The following PRKD1 variants were observed in gnomAD, a reference collection of about 807,000 sequenced individuals.
The protein encoded by PRKD1 is protein kinase D1, also known as serine/threonine-protein kinase D1.
A neutral mutation model predicts 95.9 loss-of-function variants in PRKD1; 63 were observed. That is an observed-to-expected ratio of 0.66 (90% CI 0.54 to 0.81). PRKD1 has a LOEUF of 0.81. Among genes scored for constraint, PRKD1 ranks in the 30% least tolerant of loss-of-function variants. PRKD1 has a pLI of 0.00. For synonymous variants in PRKD1, 425 were observed against 423.1 expected (o/e 1.00, Z -0.05); for missense variants, 1,048 against 1,165.3 (o/e 0.90, Z 1.47).
rs1893356449 is a variant in PRKD1, at chr14:29,597,625, C to T, written c.2300G>A (p.Trp767Ter). The change falls in exon 16 of 18, where the codon TGG (tryptophan) becomes TAG (stop). Residue 767 changes from tryptophan (W) to a stop codon, truncating the protein, a stop_gained. Transcript: ENST00000331968. LOFTEE classifies it high-confidence loss of function. ...NKGYNRSLDM[W>*]SVGVIIYVSL... is the part of the protein sequence containing the mutation. ...TACATAGATGATGACCCCAACAGAC[C>T]ACATGTCTAGAGAGCGATTGTAGCC... 1 of 1,613,842 alleles carries T rather than the reference C, an allele frequency of 6.2e-7. No homozygotes were observed. Among genetic ancestry groups the T allele is most frequent in the South Asian group, 1.1e-5 (1 of 91,080 alleles).
chr14:29,920,113 G>C (rs1326634599), intron 1 of PRKD1, among the ~76,000 whole-genome samples: 1 of 150,492 alleles, frequency 6.6e-6, no homozygotes, highest in Non-Finnish European at 1.5e-5. Context: ...AGGAAGAAAG[G>C]GGAGAAAGAA....
chr14:29,728,417 TA>T (rs1304082576), intron 1 of PRKD1, among the ~76,000 whole-genome samples: 1 of 152,204 alleles, frequency 6.6e-6, no homozygotes, highest in Non-Finnish European at 1.5e-5. Context: ...CCAAAAGTTT[TA>T]TTGCAATCTA....
chr14:29,833,072 T>C (rs904911571), intron 1 of PRKD1, among the ~76,000 whole-genome samples: 1 of 152,102 alleles, frequency 6.6e-6, no homozygotes, highest in Non-Finnish European at 1.5e-5. Context: ...AAAGCAATTA[T>C]AAGAACAAGA....
intron 2 of PRKD1, among the ~76,000 whole-genome samples, chr14:29,697,897 A>T (rs1884619873): frequency 6.6e-6 from 1 of 152,198 alleles, no homozygotes; most frequent in Non-Finnish European, 1.5e-5. Context: ...AGAGCACCTG[A>T]GAATAAATGC....
intron 12 of PRKD1, 90 bp downstream of exon 12, chr14:29,626,389 GTCTTC>G (rs1360088532): frequency 3.1e-6 from 3 of 976,486 alleles, no homozygotes; most frequent in Non-Finnish European, 4.6e-6. Flanking sequence ...ATACACATAG[GTCTTC>G]TCTTCTATGT....
At position 29,741,636 on chromosome 14, in the gene PRKD1, T is replaced by C. The variant is rs550807768; in HGVS notation, c.265-15962A>G. ...AGGAACGACACAGACACATACATCATGCACACTCAGTGGTCTGCAATTTCT... is the reference window on the plus strand; with the variant it reads ...AGGAACGACACAGACACATACATCACGCACACTCAGTGGTCTGCAATTTCT... On this transcript the variant is annotated intron_variant, in intron 1 of 17. Coordinates refer to ENST00000331968, the MANE Select transcript of PRKD1 (RefSeq NM_002742.3). Among the ~76,000 whole-genome samples the C allele has an allele frequency of 3.3e-5, 5 of 152,210 alleles. No homozygotes were observed. In the South Asian group the frequency reaches 8.3e-4, roughly 25 times the overall value.
intron 1 of PRKD1, among the ~76,000 whole-genome samples, chr14:29,921,961 C>T (rs928453589): frequency 6.6e-6 from 1 of 152,194 alleles, no homozygotes; most frequent in Non-Finnish European, 1.5e-5. Flanking sequence ...CACAGTCTCA[C>T]AGGATATTCT....
At chr14:29,578,718 T>C (rs1265411823) in intron 16 of PRKD1, among the ~76,000 whole-genome samples, 2 of 152,114 alleles carry the variant, frequency 1.3e-5, no homozygotes, top group Non-Finnish European at 2.9e-5. Context: ...ATGGGCAGGA[T>C]AAAACTAATA....
chr14:29,827,229 A>T (rs543254702), intron 1 of PRKD1, among the ~76,000 whole-genome samples: 2 of 151,854 alleles, frequency 1.3e-5, no homozygotes, highest in African/African-American at 2.4e-5. Flanking sequence ...CTAGCAAATA[A>T]TTTTTTTTAA....
intron 13 of PRKD1, among the ~76,000 whole-genome samples, chr14:29,609,539 T>C (rs61980481): frequency 0.5 from 52,228 of 104,244 alleles, 10,101 homozygotes; most frequent in South Asian, 0.57. Flanking sequence ...CACACACACA[T>C]ATATATATTT....
intron 13 of PRKD1, among the ~76,000 whole-genome samples, chr14:29,600,982 C>G (rs1893496103): frequency 6.6e-6 from 1 of 151,224 alleles, no homozygotes; most frequent in African/African-American, 2.4e-5. Context: ...TCATCATGAA[C>G]AAAAACCACC....
intron 13 of PRKD1, among the ~76,000 whole-genome samples, chr14:29,623,733 A>G (rs928750259): frequency 6.6e-6 from 1 of 152,220 alleles, no homozygotes; most frequent in African/African-American, 2.4e-5. Context: ...TAATAAAATC[A>G]ACATGATCTG....
intron 1 of PRKD1, among the ~76,000 whole-genome samples, chr14:29,859,370 A>G (rs1477383447): frequency 1.3e-5 from 2 of 152,028 alleles, no homozygotes; most frequent in African/African-American, 4.8e-5. Flanking sequence ...GCACTTTGGG[A>G]GGCTGAGGCG....
intron 11 of PRKD1, among the ~76,000 whole-genome samples, chr14:29,628,201 C>G (rs1204408209): frequency 6.6e-6 from 1 of 152,158 alleles, no homozygotes; most frequent in Non-Finnish European, 1.5e-5. Context: ...TGGCTGTTTA[C>G]TTTATGCCAC....
intron 15 of PRKD1, among the ~76,000 whole-genome samples, chr14:29,598,290 A>AATAAT (rs1453737182): frequency 7.6e-6 from 1 of 132,332 alleles, no homozygotes; most frequent in African/African-American, 4.1e-5. Flanking sequence ...AATAAAATAA[A>AATAAT]ATAAAATAAA....
At chr14:29,853,687 G>A (rs928917344) in intron 1 of PRKD1, among the ~76,000 whole-genome samples, 1 of 152,160 alleles carries the variant, frequency 6.6e-6, no homozygotes, top group Admixed American at 6.5e-5. Context: ...GATACATCAT[G>A]AACTGCATTG....
At chr14:29,766,453 A>G (rs1888261022) in intron 1 of PRKD1, among the ~76,000 whole-genome samples, 2 of 152,184 alleles carry the variant, frequency 1.3e-5, no homozygotes, top group Non-Finnish European at 1.5e-5. Flanking sequence ...TATAGACAGC[A>G]TTCTTACAGG....
intron 1 of PRKD1, among the ~76,000 whole-genome samples, chr14:29,877,529 T>C (rs938029248): frequency 1.3e-5 from 2 of 152,230 alleles, no homozygotes; most frequent in African/African-American, 4.8e-5. Flanking sequence ...TTTGTTGTGA[T>C]TGCTGCTGGC....
chr14:29,610,309 T>G (rs1322305100), intron 13 of PRKD1, among the ~76,000 whole-genome samples: 1 of 151,930 alleles, frequency 6.6e-6, no homozygotes, highest in African/African-American at 2.4e-5. Flanking sequence ...AAAGAACTAC[T>G]AAAACACAAC....
Sources: gnomAD v4.1 joint callset for allele counts (sites outside exome capture counted in the v4.1 genomes callset) on GRCh38, gnomAD v4.1.1 for gene constraint, MANE v1.5 for transcripts, NCBI Gene and HGNC (gene_info 2026-07-23, HGNC 2026-07-21) for gene names.